The following ITGA8 variants were observed in gnomAD, a reference collection of about 807,000 sequenced individuals.
The protein encoded by ITGA8 is integrin alpha-8.
A neutral mutation model predicts 142.3 loss-of-function variants in ITGA8; 91 were observed. That is an observed-to-expected ratio of 0.64 (90% CI 0.54 to 0.76). The LOEUF (loss-of-function observed/expected upper bound fraction) is 0.76. Among genes scored for constraint, ITGA8 ranks in the 30% least tolerant of loss-of-function variants. ITGA8 has a pLI of 0.00. For synonymous variants in ITGA8, 505 were observed against 485.2 expected (o/e 1.04, Z -0.54); for missense variants, 1,406 against 1,327.7 (o/e 1.06, Z -0.92).
intron 2 of ITGA8, among the ~76,000 whole-genome samples, chr10:15,698,427 A>G (rs1261714549): frequency 6.6e-6 from 1 of 152,216 alleles, no homozygotes; most frequent in Non-Finnish European, 1.5e-5. Flanking sequence ...GTAGATACCT[A>G]GTACTGGGAT....
chr10:15,655,455 T>C (rs1159242336), intron 10 of ITGA8, 49 bp from the exon 11 acceptor site: 2 of 1,238,326 alleles, frequency 1.6e-6, no homozygotes, highest in East Asian at 2.3e-5. Context: ...AAAGTCATTT[T>C]TGTAGTCATG....
intron 9 of ITGA8, 134 bp downstream of exon 9, chr10:15,660,745 T>G: frequency 1.4e-6 from 1 of 703,346 alleles, no homozygotes; most frequent in Non-Finnish European, 2.4e-6. Context: ...TGATGTTCGG[T>G]GGATTAGGTG....
chr10:15,642,697 A>G (rs1442858684), intron 13 of ITGA8, among the ~76,000 whole-genome samples: 1 of 152,224 alleles, frequency 6.6e-6, no homozygotes, highest in African/African-American at 2.4e-5. Context: ...ATACGATATA[A>G]TACCAAATCC....
At chr10:15,655,537 TG>T (rs1834168954) in intron 10 of ITGA8, 131 bp from the exon 11 acceptor site, 1 of 691,212 alleles carries the variant, frequency 1.4e-6, no homozygotes, top group Non-Finnish European at 2.5e-6. Context: ...TTCTTCGAAG[TG>T]GCCAGGGTCT....
intron 23 of ITGA8, among the ~76,000 whole-genome samples, chr10:15,577,034 T>C (rs1834311757): frequency 6.6e-6 from 1 of 152,222 alleles, no homozygotes; most frequent in Admixed American, 6.5e-5. Context: ...CCTGGGTTTC[T>C]ATACCAGTCT....
chr10:15,610,158 A>C (rs547260948), intron 15 of ITGA8, among the ~76,000 whole-genome samples: 1 of 152,200 alleles, frequency 6.6e-6, no homozygotes, highest in Non-Finnish European at 1.5e-5. Context: ...ACTCCAACCT[A>C]AACCTGCCAG....
chr10:15,545,937 G>C (rs570132190), intron 27 of ITGA8, among the ~76,000 whole-genome samples: 37 of 152,194 alleles, frequency 2.4e-4, no homozygotes, highest in Middle Eastern at 3.4e-3. Context: ...TCCCATCCAT[G>C]GTATGTAATT....
chr10:15,687,216 C>T (rs1385461316), intron 3 of ITGA8, among the ~76,000 whole-genome samples: 1 of 152,040 alleles, frequency 6.6e-6, no homozygotes, highest in Non-Finnish European at 1.5e-5. Flanking sequence ...CTTATTAAAT[C>T]ATAATTCAAG....
intron 2 of ITGA8, among the ~76,000 whole-genome samples, chr10:15,706,022 C>T (rs1835251713): frequency 6.6e-6 from 1 of 152,106 alleles, no homozygotes; most frequent in Non-Finnish European, 1.5e-5. Context: ...TAAGTCATGG[C>T]CTTAAATATT....
At chr10:15,687,549 G>C (rs1353144180) in intron 3 of ITGA8, among the ~76,000 whole-genome samples, 1 of 152,092 alleles carries the variant, frequency 6.6e-6, no homozygotes, top group African/African-American at 2.4e-5. Flanking sequence ...GTGTAAAAAG[G>C]ATCAATGAAA....
At chr10:15,606,459 T>C in intron 17 of ITGA8, 37 bp from the exon 18 acceptor site, 1 of 1,565,186 alleles carries the variant, frequency 6.4e-7, no homozygotes, top group Admixed American at 1.7e-5. Context: ...AGAGGCTCCA[T>C]GAAATAGCTG....
At chr10:15,630,238 T>C (rs1351161205) in intron 13 of ITGA8, among the ~76,000 whole-genome samples, 1 of 152,102 alleles carries the variant, frequency 6.6e-6, no homozygotes, top group East Asian at 1.9e-4. Context: ...GGATTTTAAG[T>C]AGAGTTGAAA....
In ITGA8 at chr10:15,578,814, T is replaced by A. The variant is rs78895304; in HGVS notation, c.2373-3220A>T. ...TACCACTCTTCATGGACTCAGTGTA[T>A]GTGGTGCTGTCTCTTGTGGCCAAGT... is the stretch of plus-strand genomic sequence containing the variant. On this transcript the variant is annotated intron_variant, in intron 23 of 29. Transcript: ENST00000378076. Among the ~76,000 whole-genome samples the A allele has an allele frequency of 3.8e-3, 575 of 152,218 alleles. 6 individuals are homozygous for A. Among genetic ancestry groups the A allele is most frequent in the African/African-American group, 0.013 (545 of 41,566 alleles).
At chr10:15,548,344 C>T (rs1019231085) in intron 27 of ITGA8, 111 bp downstream of exon 27, 25 of 731,514 alleles carry the variant, frequency 3.4e-5, no homozygotes, top group Non-Finnish European at 4.6e-5. Flanking sequence ...CCATCTGCCT[C>T]GGACTTCCAC....
At chr10:15,566,193 A>G (rs1345344688) in intron 25 of ITGA8, among the ~76,000 whole-genome samples, 2 of 151,970 alleles carry the variant, frequency 1.3e-5, no homozygotes, top group East Asian at 3.9e-4. Context: ...ATCTGGTTGT[A>G]ATTTGGACTT....
chr10:15,600,697 G>A (rs1202911710), intron 20 of ITGA8, among the ~76,000 whole-genome samples: 1 of 152,190 alleles, frequency 6.6e-6, no homozygotes, highest in Non-Finnish European at 1.5e-5. Context: ...TAGAAAGATG[G>A]ATTTTTTTCT....
intron 11 of ITGA8, among the ~76,000 whole-genome samples, chr10:15,648,128 T>G (rs1564391016): frequency 6.6e-6 from 1 of 152,218 alleles, no homozygotes; most frequent in Non-Finnish European, 1.5e-5. Flanking sequence ...CTAAGTGATT[T>G]GATTTTTTAA....
intron 2 of ITGA8, among the ~76,000 whole-genome samples, chr10:15,703,091 G>A (rs1388267016): frequency 1.3e-5 from 2 of 151,864 alleles, no homozygotes; most frequent in Non-Finnish European, 2.9e-5. Flanking sequence ...ATATATAATC[G>A]AATACTATAA....
rs199710630 is a variant in ITGA8, at chr10:15,718,812, G to C, written c.297C>G (p.Pro99=). 1.2e-6 allele frequency: 2 copies of C among 1,614,120 alleles called. No homozygotes were observed. The highest frequency in any genetic ancestry group is 2.7e-5 in the African/African-American group (2 of 75,018). The part of the protein sequence containing the change: ...EGGAVYYCPW[P]AEGSAQCRQI... ...GCCTGCACTGCGCAGACCCCTCCGCGGGCCAAGGACAGTAATAGACGGCTC... is the reference window on the plus strand; with the variant it reads ...GCCTGCACTGCGCAGACCCCTCCGCCGGCCAAGGACAGTAATAGACGGCTC... Residue 99 remains proline (P), a synonymous_variant, in exon 2 of 30, where the codon CCC becomes CCG. Coordinates refer to ENST00000378076, the MANE Select transcript of ITGA8 (RefSeq NM_003638.3).
Sources: allele counts gnomAD v4.1 joint callset (sites outside exome capture counted in the v4.1 genomes callset), GRCh38; gene constraint gnomAD v4.1.1; transcripts MANE v1.5; gene names NCBI Gene and HGNC (gene_info 2026-07-23, HGNC 2026-07-21).